EYA1: variants seen among roughly 807,000 people sequenced by gnomAD.
EYA1 encodes protein phosphatase EYA1.
EYA1 carries 16 observed loss-of-function variants against 82.0 expected under a neutral mutation model. The observed-to-expected ratio is 0.20, with a 90% CI of 0.13 to 0.30. EYA1 has a LOEUF of 0.30. Ranked by LOEUF, EYA1 falls within the 10% of genes least tolerant of loss-of-function variation. EYA1 has a pLI of 1.00. For synonymous variants in EYA1, 261 were observed against 264.4 expected, an observed-to-expected ratio of 0.99 and a Z score of 0.12; for missense variants, 633 against 730.7, an observed-to-expected ratio of 0.87 and a Z score of 1.54.
rs1816951895 is a variant in EYA1 at position 71,274,899 on chromosome 8, AGAGT to A, written c.827-3006_827-3003del. 2.6e-5 allele frequency among the ~76,000 whole-genome samples: 4 copies of A among 152,270 alleles called. No individual in the cohort carries two copies. In the South Asian group the frequency reaches 8.3e-4, roughly 32 times the overall value. On this transcript the variant is annotated intron_variant, in intron 9 of 17. Transcript: ENST00000340726. ...GAGAGAGTGAGCGAGCGAGAGAGAG[AGAGT>A]GAGCGAGCGAGAGAGAGAGAATGAG...
intron 1 of EYA1, among the ~76,000 whole-genome samples, chr8:71,361,186 A>G (rs1277670558): frequency 1.3e-5 from 2 of 152,238 alleles, no homozygotes; most frequent in Non-Finnish European, 2.9e-5. Context: ...TTGTCCTTTC[A>G]AATGTTAAAT....
intron 2 of EYA1, among the ~76,000 whole-genome samples, chr8:71,447,370 T>C (rs1420263041): frequency 6.6e-6 from 1 of 152,160 alleles, no homozygotes; most frequent in Non-Finnish European, 1.5e-5. Flanking sequence ...CTTCTCCACG[T>C]ATGCTCCAGG....
chr8:71,242,836 GCGTGATCTCTGGCTCAT>G (rs1812649191), intron 12 of EYA1, among the ~76,000 whole-genome samples: 2 of 149,262 alleles, frequency 1.3e-5, no homozygotes, highest in Non-Finnish European at 3.0e-5. Context: ...GAGTGCAATG[GCGTGATCTCTGGCTCAT>G]CGTAACCTCT....
At chr8:71,446,970 G>A (rs1806930692) in intron 2 of EYA1, among the ~76,000 whole-genome samples, 2 of 151,896 alleles carry the variant, frequency 1.3e-5, no homozygotes, top group African/African-American at 4.8e-5. Flanking sequence ...CAATTAACAG[G>A]CACTGAGCAA....
At chr8:71,379,110 C>T (rs1170061801) in intron 2 of EYA1, among the ~76,000 whole-genome samples, 1 of 151,940 alleles carries the variant, frequency 6.6e-6, no homozygotes, top group Admixed American at 6.6e-5. Flanking sequence ...TGCAGAGAAA[C>T]CTGACAAACT....
chr8:71,253,053 T>C (rs1813942957), intron 11 of EYA1, among the ~76,000 whole-genome samples: 1 of 152,184 alleles, frequency 6.6e-6, no homozygotes, highest in Non-Finnish European at 1.5e-5. Context: ...CAATGTAAAG[T>C]CCCTGAAATT....
chr8:71,500,399 A>AT (rs1185919914), intron 2 of EYA1, among the ~76,000 whole-genome samples: 2 of 152,178 alleles, frequency 1.3e-5, no homozygotes, highest in Non-Finnish European at 2.9e-5. Context: ...TTGAGTCTTG[A>AT]TTTTTCATCT....
At chr8:71,209,331 A>G (rs1318106796) in intron 17 of EYA1, among the ~76,000 whole-genome samples, 1 of 152,218 alleles carries the variant, frequency 6.6e-6, no homozygotes, top group Non-Finnish European at 1.5e-5. Context: ...AGAGGCACCC[A>G]ATGACACTAG....
At chr8:71,490,374 T>A (rs565087907) in intron 2 of EYA1, among the ~76,000 whole-genome samples, 23 of 152,362 alleles carry the variant, frequency 1.5e-4, no homozygotes, top group African/African-American at 5.3e-4. Flanking sequence ...TATTGCATGC[T>A]GAAATAGTTA....
chr8:71,316,383 G>A (rs1821930502), intron 7 of EYA1, among the ~76,000 whole-genome samples: 1 of 152,064 alleles, frequency 6.6e-6, no homozygotes, highest in Admixed American at 6.5e-5. Context: ...TCTATTTAGG[G>A]AATTAGTCAA....
intron 9 of EYA1, among the ~76,000 whole-genome samples, chr8:71,294,839 T>C (rs990655092): frequency 6.6e-6 from 1 of 152,162 alleles, no homozygotes; most frequent in African/African-American, 2.4e-5. Context: ...CTTTAGGACT[T>C]ACTATAAAGC....
chr8:71,498,455 A>AT (rs1811580315), intron 2 of EYA1, among the ~76,000 whole-genome samples: 1 of 152,186 alleles, frequency 6.6e-6, no homozygotes, highest in South Asian at 2.1e-4. Context: ...TTTCCTATTG[A>AT]TTAATCTGAT....
At chr8:71,307,048 G>A (rs73290078) in intron 7 of EYA1, among the ~76,000 whole-genome samples, 4,208 of 152,234 alleles carry the variant, frequency 0.028, 189 homozygotes, top group African/African-American at 0.096. Flanking sequence ...GTGAGAACAC[G>A]ATTGTCATAA....
At chr8:71,264,633 A>G (rs1006157255) in intron 11 of EYA1, among the ~76,000 whole-genome samples, 1 of 151,070 alleles carries the variant, frequency 6.6e-6, no homozygotes, top group Non-Finnish European at 1.5e-5. Context: ...GCTGGAATGC[A>G]GTAGTGCAAT....
chr8:71,385,402 A>C (rs73684792), intron 2 of EYA1, among the ~76,000 whole-genome samples: 2,217 of 152,254 alleles, frequency 0.015, 72 homozygotes, highest in African/African-American at 0.051. Flanking sequence ...ACGTAAAACA[A>C]AAATGGAAAG....
intron 2 of EYA1, among the ~76,000 whole-genome samples, chr8:71,368,670 C>A (rs1013981558): frequency 6.6e-6 from 1 of 152,054 alleles, no homozygotes. Context: ...TCACAGTATA[C>A]CTCTTTTGGG....
Position 71,242,531 on chromosome 8 carries a change from A to C in EYA1, c.1140+2072T>G, listed in dbSNP as rs546518563. Among the ~76,000 whole-genome samples, 4 of 152,226 alleles carry C rather than the reference A, an allele frequency of 2.6e-5. No homozygotes were observed. The South Asian group carries it at 8.3e-4, about 32-fold the overall frequency. On this transcript the variant is annotated intron_variant, in intron 12 of 17. Transcript: ENST00000340726. ...AGACTGCTTTTTCTTTTTCTTTTGA[A>C]ATTTGGGTTTACAGAAAAAAATACA... is the stretch of plus-strand genomic sequence containing the variant.
Position 71,471,990 on chromosome 8 carries a change from G to A in EYA1, c.33+63754C>T, listed in dbSNP as rs563836560. Among the ~76,000 whole-genome samples the A allele has an allele frequency of 9.9e-5, 15 of 152,138 alleles. No homozygotes were observed. In the South Asian group the frequency reaches 2.5e-3, roughly 25 times the overall value. On this transcript the variant is annotated intron_variant, in intron 2 of 18. Transcript: ENST00000643681. Reference sequence around the variant, plus strand: ...CTTCCAAATACACATCTAGTCATGCGAAAGGTGCCATTGCCATTCCCTAGG... The same window carrying A: ...CTTCCAAATACACATCTAGTCATGCAAAAGGTGCCATTGCCATTCCCTAGG...
chr8:71,348,712 C>A (rs1466591175), intron 3 of EYA1, among the ~76,000 whole-genome samples: 2 of 152,188 alleles, frequency 1.3e-5, no homozygotes, highest in East Asian at 3.9e-4. Flanking sequence ...ACCTCTTTTA[C>A]TCCCAGCCAT....
Sources: gnomAD v4.1 joint callset for allele counts (sites outside exome capture counted in the v4.1 genomes callset) on GRCh38, gnomAD v4.1.1 for gene constraint, MANE v1.5 for transcripts, NCBI Gene and HGNC (gene_info 2026-07-23, HGNC 2026-07-21) for gene names.